EDA: variants seen among roughly 807,000 people sequenced by gnomAD.
The protein encoded by EDA is ectodysplasin A.
A neutral mutation model predicts 23.6 loss-of-function variants in EDA; 2 were observed. That is an observed-to-expected ratio of 0.08 (90% CI 0.03 to 0.27). The LOEUF (loss-of-function observed/expected upper bound fraction) is 0.27, where lower values mean the gene tolerates loss of function less well. Ranked by LOEUF, EDA falls within the 10% of genes least tolerant of loss-of-function variation. EDA has a pLI of 1.00. For synonymous variants in EDA, 131 were observed against 132.0 expected (o/e 0.99, Z 0.05); for missense variants, 229 against 324.2 (o/e 0.71, Z 2.26).
At chrX:69,656,744 G>A (rs1459129855) in intron 1 of EDA, among the ~76,000 whole-genome samples, 1 of 111,724 alleles carries the variant, frequency 9.0e-6, no homozygotes, top group Admixed American at 9.6e-5. Context: ...GTGAGAACAC[G>A]TGGTATTTGG....
intron 1 of EDA, among the ~76,000 whole-genome samples, chrX:69,632,978 A>G (rs1375143994): frequency 9.0e-6 from 1 of 111,189 alleles, no homozygotes; most frequent in East Asian, 2.8e-4. Flanking sequence ...TTTTGACCCA[A>G]ATCTTCCTAA....
intron 1 of EDA, among the ~76,000 whole-genome samples, chrX:69,645,986 G>T (rs903387099): frequency 1.8e-5 from 2 of 110,849 alleles, no homozygotes; most frequent in African/African-American, 3.3e-5. Flanking sequence ...CAATTTACAC[G>T]CAGTTTTGTG....
chrX:69,834,213 A>G (rs779340852), intron 1 of EDA, among the ~76,000 whole-genome samples: 15 of 110,633 alleles, frequency 1.4e-4, no homozygotes, highest in South Asian at 3.9e-4. Flanking sequence ...GTAGATGTCT[A>G]TTAGGTCCGC....
intron 1 of EDA, among the ~76,000 whole-genome samples, chrX:69,752,442 G>A (rs991733931): frequency 9.0e-6 from 1 of 111,660 alleles, no homozygotes; most frequent in African/African-American, 3.3e-5. Flanking sequence ...TGATCCTGGT[G>A]GATAAGCTTT....
intron 1 of EDA, among the ~76,000 whole-genome samples, chrX:69,899,650 C>G (rs920301285): frequency 9.0e-6 from 1 of 111,074 alleles, no homozygotes; most frequent in Non-Finnish European, 1.9e-5. Flanking sequence ...CCTACCCACT[C>G]TATTCATTAA....
chrX:69,634,658 G>T (rs1356753044), intron 1 of EDA, among the ~76,000 whole-genome samples: 1 of 108,255 alleles, frequency 9.2e-6, no homozygotes, highest in African/African-American at 3.3e-5. Context: ...GGTTTCCATG[G>T]CAATAGGCTT....
intron 1 of EDA, among the ~76,000 whole-genome samples, chrX:69,924,283 G>A (rs907363259): frequency 8.9e-6 from 1 of 111,810 alleles, no homozygotes; most frequent in Non-Finnish European, 1.9e-5. Flanking sequence ...TTCTTCTAGG[G>A]TTTTTATGGT....
intron 2 of EDA, among the ~76,000 whole-genome samples, chrX:70,015,029 G>A (rs926982727): frequency 9.0e-6 from 1 of 111,449 alleles, no homozygotes; most frequent in African/African-American, 3.3e-5. Context: ...CCCCAAACTC[G>A]CTAGAGAGGC....
chrX:69,739,693 T>C (rs914111338), intron 1 of EDA, among the ~76,000 whole-genome samples: 2 of 111,332 alleles, frequency 1.8e-5, no homozygotes, highest in African/African-American at 6.5e-5. Context: ...CATATATGTC[T>C]TAATTTATCA....
intron 1 of EDA, among the ~76,000 whole-genome samples, chrX:69,904,243 T>C (rs1200417816): frequency 8.9e-6 from 1 of 112,408 alleles, no homozygotes; most frequent in Non-Finnish European, 1.9e-5. Flanking sequence ...TATTTTGAAA[T>C]ATACAAGAAT....
rs146223981 is a variant in EDA, at chrX:69,725,757, C to T, written c.396+109053C>T. On this transcript the variant is annotated intron_variant, in intron 1 of 7. Coordinates refer to ENST00000374552, the MANE Select transcript of EDA (RefSeq NM_001399.5). ...ATGGGGACTTCTGCTTTTGTTTTGA[C>T]GGACTAACTGGTATCAGACCAACCA... is the stretch of plus-strand genomic sequence containing the variant. Among the ~76,000 whole-genome samples the T allele has an allele frequency of 9.7e-3, 1,091 of 112,191 alleles. 9 individuals carry two copies. Among genetic ancestry groups the T allele is most frequent in the Non-Finnish European group, 0.017 (888 of 53,228 alleles).
intron 1 of EDA, among the ~76,000 whole-genome samples, chrX:69,863,595 A>G (rs1326676320): frequency 1.1e-5 from 1 of 91,316 alleles, no homozygotes; most frequent in Non-Finnish European, 2.2e-5. Context: ...ATATACATAT[A>G]TGTATATATA....
Position 69,966,446 on chromosome X carries a change from G to A in EDA, c.502+9314G>A, listed in dbSNP as rs760531209. ...AATACAAAAATTAGCCAGGTGTGGT[G>A]GCATGGCCTGTAACCCCAGCTACTA... On this transcript the variant is annotated intron_variant, in intron 2 of 7. Coordinates refer to ENST00000374552, the MANE Select transcript of EDA (RefSeq NM_001399.5). Among the ~76,000 whole-genome samples, 5 of 110,285 alleles carry A rather than the reference G, an allele frequency of 4.5e-5. No individual in the cohort carries two copies. In the East Asian group the frequency reaches 1.4e-3, roughly 32 times the overall value.
chrX:69,791,784 C>T (rs2015411270), intron 1 of EDA, among the ~76,000 whole-genome samples: 1 of 110,187 alleles, frequency 9.1e-6, no homozygotes. Context: ...GCTGGGATTA[C>T]AGGCACGTGC....
At chrX:69,798,062 G>A (rs1186076830) in intron 1 of EDA, among the ~76,000 whole-genome samples, 1 of 111,403 alleles carries the variant, frequency 9.0e-6, no homozygotes, top group Non-Finnish European at 1.9e-5. Flanking sequence ...GTCAAAAACA[G>A]TAAAAAAGGC....
chrX:69,820,359 A>G (rs2016189869), intron 1 of EDA, among the ~76,000 whole-genome samples: 2 of 112,360 alleles, frequency 1.8e-5, no homozygotes, highest in South Asian at 7.3e-4. Flanking sequence ...CAAAAACACC[A>G]AAAGCAATTG....
intron 1 of EDA, among the ~76,000 whole-genome samples, chrX:69,945,995 C>T (rs2147694348): frequency 8.9e-6 from 1 of 112,154 alleles, no homozygotes; most frequent in Non-Finnish European, 1.9e-5. Flanking sequence ...CACTAAAATG[C>T]CAAGCTAGCA....
In EDA at chrX:69,929,263, G is replaced by A. The variant is rs190984512; in HGVS notation, c.397-27764G>A. ...ATTGCTTAGAACTTGGCTCTGCATG[G>A]TCCAAGTTCAATGTCAATTTAAGAC... is the stretch of plus-strand genomic sequence containing the variant. On this transcript the variant is annotated intron_variant, in intron 1 of 7. Coordinates refer to ENST00000374552, the MANE Select transcript of EDA (RefSeq NM_001399.5). Among the ~76,000 whole-genome samples the A allele has an allele frequency of 1.3e-4, 14 of 111,050 alleles. No individual in the cohort carries two copies. In the East Asian group the frequency reaches 3.1e-3, roughly 25 times the overall value.
chrX:69,733,075 C>A (rs1233421542), intron 1 of EDA, among the ~76,000 whole-genome samples: 3 of 108,536 alleles, frequency 2.8e-5, no homozygotes, highest in African/African-American at 6.7e-5. Context: ...ATAGTAGTTT[C>A]TTTTGCTGTG....
Sources: allele counts gnomAD v4.1 joint callset (sites outside exome capture counted in the v4.1 genomes callset), GRCh38; gene constraint gnomAD v4.1.1; transcripts MANE v1.5; gene names NCBI Gene and HGNC (gene_info 2026-07-23, HGNC 2026-07-21).